Variants in MLLT10 observed in about 807,000 individuals in gnomAD.
The protein encoded by MLLT10 is protein AF-10.
In MLLT10, 30 loss-of-function variants were observed where a neutral mutation model predicts 129.1. The ratio of observed to expected loss-of-function variants is 0.23; its 90% CI spans 0.17 to 0.32. The LOEUF (loss-of-function observed/expected upper bound fraction) is 0.32. Among genes scored for constraint, MLLT10 ranks in the 10% least tolerant of loss-of-function variants. The probability of loss-of-function intolerance (pLI) is 1.00; values close to 1 mark genes in which losing one functional copy is unlikely to be tolerated. For synonymous variants in MLLT10, 490 were observed against 446.4 expected (o/e 1.10, Z -1.23); for missense variants, 1,119 against 1,268.3 (o/e 0.88, Z 1.79).
chr10:21,700,292 T>G lies in MLLT10; in HGVS notation c.1700-13480T>G, dbSNP rs543911647. Among the ~76,000 whole-genome samples the G allele has an allele frequency of 7.2e-5, 11 of 152,294 alleles. No individual in the cohort carries two copies. The East Asian group carries it at 2.1e-3, about 29-fold the overall frequency. On this transcript the variant is annotated intron_variant, in intron 13 of 22. Transcript: ENST00000307729. ...TGGAGTATTTAAGTTTTTCTGCATA[T>G]AAGATCATGTAATCTGCAAAGTAAT...
chr10:21,546,564 C>T (rs1224101899), intron 3 of MLLT10, among the ~76,000 whole-genome samples: 1 of 150,154 alleles, frequency 6.7e-6, no homozygotes, highest in Non-Finnish European at 1.5e-5. Context: ...CCCACCACTC[C>T]TGGCTAATTT....
intron 14 of MLLT10, among the ~76,000 whole-genome samples, chr10:21,717,716 T>TTCCTCC (rs878993054): frequency 1.1e-4 from 2 of 17,472 alleles, no homozygotes; most frequent in Admixed American, 6.4e-4. Flanking sequence ...CCTCCTCCTC[T>TTCCTCC]TCCTCCTCCT....
rs1352720131 is a variant in MLLT10, at chr10:21,644,434, A to T, written c.700-7239A>T. Among the ~76,000 whole-genome samples, 3 of 152,086 alleles carry T rather than the reference A, an allele frequency of 2.0e-5. No homozygotes were observed. In the East Asian group the frequency reaches 5.8e-4, roughly 29 times the overall value. ...CATTTTTCTGAAGCCTGTGGGAATGAGGGGTGCAGTATAGAAGCTTGGGAG... is the reference window on the plus strand; with the variant it reads ...CATTTTTCTGAAGCCTGTGGGAATGTGGGGTGCAGTATAGAAGCTTGGGAG... On this transcript the variant is annotated intron_variant, in intron 8 of 22. Transcript: ENST00000307729.
At chr10:21,603,644 A>C (rs2043776455) in intron 5 of MLLT10, among the ~76,000 whole-genome samples, 1 of 152,136 alleles carries the variant, frequency 6.6e-6, no homozygotes, top group African/African-American at 2.4e-5. Flanking sequence ...GGCTGCTGTA[A>C]CAAAATATCA....
chr10:21,680,448 G>A (rs1373540874), intron 11 of MLLT10, among the ~76,000 whole-genome samples: 1 of 151,876 alleles, frequency 6.6e-6, no homozygotes, highest in South Asian at 2.1e-4. Context: ...TCAAGTGCCC[G>A]CCTTGGCCTC....
intron 8 of MLLT10, among the ~76,000 whole-genome samples, chr10:21,650,560 G>T (rs1404729363): frequency 6.6e-6 from 1 of 151,844 alleles, no homozygotes; most frequent in Non-Finnish European, 1.5e-5. Flanking sequence ...GGATGACAGA[G>T]ATACCAATCT....
intron 3 of MLLT10, among the ~76,000 whole-genome samples, chr10:21,554,834 T>G (rs934227557): frequency 4.6e-5 from 7 of 151,882 alleles, no homozygotes; most frequent in African/African-American, 1.4e-4. Context: ...CTTTCTTTTT[T>G]TTTTTTAGAC....
chr10:21,534,147 C>CG (rs1226838799), upstream of MLLT10: 4 of 362,942 alleles, frequency 1.1e-5, no homozygotes, highest in East Asian at 1.2e-4. Context: ...GGAGGTAGGC[C>CG]GGGGGCAGCC....
chr10:21,547,485 C>T (rs1419991133), intron 3 of MLLT10, among the ~76,000 whole-genome samples: 1 of 150,452 alleles, frequency 6.6e-6, no homozygotes, highest in Non-Finnish European at 1.5e-5. Context: ...ATCCTCTCAC[C>T]TTAGCCTTCT....
At chr10:21,700,925 T>C (rs1192198626) in intron 13 of MLLT10, among the ~76,000 whole-genome samples, 1 of 152,182 alleles carries the variant, frequency 6.6e-6, no homozygotes, top group Non-Finnish European at 1.5e-5. Flanking sequence ...TTGTATACAT[T>C]TGGTAGAATT....
In MLLT10 at chr10:21,707,360, T is replaced by C. The variant is rs1481749947; in HGVS notation, c.1700-6412T>C. Among the ~76,000 whole-genome samples, 4 of 151,896 alleles carry C rather than the reference T, an allele frequency of 2.6e-5. No homozygotes were observed. In the East Asian group the frequency reaches 5.8e-4, roughly 22 times the overall value. On this transcript the variant is annotated intron_variant, in intron 13 of 22. Transcript: ENST00000307729. ...GGCACGCGCCACCATGCCCGGCTAATTTTTGTATTTTTAGTAGAGACGGGG... is the reference window on the plus strand; with the variant it reads ...GGCACGCGCCACCATGCCCGGCTAACTTTTGTATTTTTAGTAGAGACGGGG...
At chr10:21,721,157 T>C (rs1013225359) in intron 14 of MLLT10, among the ~76,000 whole-genome samples, 5 of 152,206 alleles carry the variant, frequency 3.3e-5, no homozygotes, top group Admixed American at 3.3e-4. Context: ...TAGAGCTTTT[T>C]TGAATCACTT....
At chr10:21,657,031 A>G (rs1312951142) in intron 9 of MLLT10, among the ~76,000 whole-genome samples, 2 of 152,148 alleles carry the variant, frequency 1.3e-5, no homozygotes, top group Non-Finnish European at 2.9e-5. Context: ...TCCCCAATTT[A>G]TAGTCTTTCT....
intron 3 of MLLT10, among the ~76,000 whole-genome samples, chr10:21,580,606 G>C (rs1288296627): frequency 1.3e-5 from 2 of 152,066 alleles, no homozygotes; most frequent in African/African-American, 4.8e-5. Context: ...TAGCCAGGAT[G>C]GTCTCGATCT....
intron 9 of MLLT10, among the ~76,000 whole-genome samples, chr10:21,664,574 C>T (rs528743466): frequency 3.3e-5 from 5 of 151,920 alleles, no homozygotes; most frequent in East Asian, 1.9e-4. Context: ...GGATTACAGG[C>T]GTGCCCGGCT....
At chr10:21,731,997 G>A (rs570757372) in intron 17 of MLLT10, among the ~76,000 whole-genome samples, 13 of 152,222 alleles carry the variant, frequency 8.5e-5, no homozygotes, top group Middle Eastern at 3.4e-3. Context: ...CTTTAAACAC[G>A]ATAGCTGGAG....
chr10:21,562,905 C>T (rs773790452), intron 3 of MLLT10, among the ~76,000 whole-genome samples: 5 of 147,894 alleles, frequency 3.4e-5, no homozygotes, highest in Admixed American at 6.7e-5. Context: ...CCACAGCCTC[C>T]GCCTCCTGGG....
chr10:21,555,611 C>T (rs2130972628), intron 3 of MLLT10, among the ~76,000 whole-genome samples: 1 of 151,426 alleles, frequency 6.6e-6, no homozygotes, highest in Admixed American at 6.6e-5. Context: ...TTTGGCCTGT[C>T]TTTCGTGTTA....
intron 8 of MLLT10, among the ~76,000 whole-genome samples, chr10:21,642,542 A>G (rs895232656): frequency 1.5e-4 from 23 of 151,592 alleles, no homozygotes; most frequent in Admixed American, 1.5e-3. Flanking sequence ...CGGTAATCCC[A>G]GGTACTCGGG....
Sources: allele counts gnomAD v4.1 joint callset (sites outside exome capture counted in the v4.1 genomes callset), GRCh38; gene constraint gnomAD v4.1.1; transcripts MANE v1.5; gene names NCBI Gene and HGNC (gene_info 2026-07-23, HGNC 2026-07-21).